DOK5: variants seen among roughly 807,000 people sequenced by gnomAD.
DOK5 encodes docking protein 5.
DOK5 carries 27 observed loss-of-function variants against 43.3 expected under a neutral mutation model. That is an observed-to-expected ratio of 0.62 (90% CI 0.46 to 0.86). The LOEUF (loss-of-function observed/expected upper bound fraction) is 0.86, where lower values mean the gene tolerates loss of function less well. Among genes scored for constraint, DOK5 ranks in the 40% least tolerant of loss-of-function variants. The probability of loss-of-function intolerance (pLI) is 0.00; values close to 1 mark genes in which losing one functional copy is unlikely to be tolerated. For synonymous variants in DOK5, 146 were observed against 140.1 expected (o/e 1.04, Z -0.30); for missense variants, 373 against 392.9 (o/e 0.95, Z 0.43).
At chr20:54,576,588 C>A (rs1040177518) in intron 2 of DOK5, among the ~76,000 whole-genome samples, 3 of 152,172 alleles carry the variant, frequency 2.0e-5, no homozygotes, top group African/African-American at 7.2e-5. Context: ...AGTTGTGTAA[C>A]GAGTGAAGAT....
At chr20:54,627,406 C>A (rs1260043504) in intron 6 of DOK5, among the ~76,000 whole-genome samples, 1 of 152,168 alleles carries the variant, frequency 6.6e-6, no homozygotes, top group Non-Finnish European at 1.5e-5. Flanking sequence ...GAGTATCTTG[C>A]ATTTTATTGG....
At chr20:54,517,360 T>G (rs1983231799) in intron 1 of DOK5, among the ~76,000 whole-genome samples, 1 of 152,166 alleles carries the variant, frequency 6.6e-6, no homozygotes, top group Non-Finnish European at 1.5e-5. Flanking sequence ...AACTAAAGCA[T>G]CATGATGTAG....
At chr20:54,649,382 A>G (rs1979592022) in intron 7 of DOK5, among the ~76,000 whole-genome samples, 1 of 152,184 alleles carries the variant, frequency 6.6e-6, no homozygotes, top group Non-Finnish European at 1.5e-5. Context: ...AGATCACGCC[A>G]CTGCACTGCA....
chr20:54,595,297 GC>G (rs1238806801), intron 5 of DOK5, among the ~76,000 whole-genome samples: 3 of 152,028 alleles, frequency 2.0e-5, no homozygotes, highest in Non-Finnish European at 1.5e-5. Context: ...CTGAGATCCT[GC>G]CACTGCACTC....
At chr20:54,498,816 A>G (rs1383016182) in intron 1 of DOK5, among the ~76,000 whole-genome samples, 1 of 152,222 alleles carries the variant, frequency 6.6e-6, no homozygotes, top group East Asian at 1.9e-4. Context: ...TTAGCCAAAA[A>G]AGACTTTTTT....
intron 5 of DOK5, among the ~76,000 whole-genome samples, chr20:54,597,674 G>A (rs949758423): frequency 6.6e-6 from 1 of 152,160 alleles, no homozygotes; most frequent in Admixed American, 6.5e-5. Context: ...TTTTAAGAAG[G>A]CTCACCTTCT....
intron 1 of DOK5, among the ~76,000 whole-genome samples, chr20:54,544,877 G>A (rs946020511): frequency 1.3e-5 from 2 of 152,172 alleles, no homozygotes; most frequent in African/African-American, 2.4e-5. Flanking sequence ...CAGTACTGGT[G>A]TTATCTGCAG....
At chr20:54,567,470 T>G (rs963835158) in intron 2 of DOK5, among the ~76,000 whole-genome samples, 5 of 152,338 alleles carry the variant, frequency 3.3e-5, no homozygotes, top group East Asian at 1.9e-4. Flanking sequence ...TTTTTTTACC[T>G]TTGTCAAAAA....
intron 4 of DOK5, 95 bp from the exon 5 acceptor site, chr20:54,591,521 G>T: frequency 2.1e-6 from 2 of 960,468 alleles, no homozygotes; most frequent in Non-Finnish European, 3.0e-6. Flanking sequence ...TCTAGAATGT[G>T]AACTTGAATT....
At chr20:54,616,799 T>TC (rs1253981780) in intron 6 of DOK5, among the ~76,000 whole-genome samples, 1 of 146,322 alleles carries the variant, frequency 6.8e-6, no homozygotes, top group Non-Finnish European at 1.5e-5. Context: ...TTTTTTTTTT[T>TC]TGTGTAGAGA....
chr20:54,532,383 G>A (rs918432163), intron 1 of DOK5, among the ~76,000 whole-genome samples: 1 of 152,164 alleles, frequency 6.6e-6, no homozygotes, highest in Non-Finnish European at 1.5e-5. Flanking sequence ...TAGAGAAGAA[G>A]GCATTAGGAG....
At chr20:54,643,317 C>G in intron 6 of DOK5, 141 bp from the exon 7 acceptor site, 1 of 1,167,390 alleles carries the variant, frequency 8.6e-7, no homozygotes, top group South Asian at 1.5e-5. Flanking sequence ...GCCACCATGC[C>G]CACCACCTTC....
At chr20:54,645,715 T>C (rs1233526040) in intron 7 of DOK5, among the ~76,000 whole-genome samples, 1 of 152,000 alleles carries the variant, frequency 6.6e-6, no homozygotes. Flanking sequence ...CATGGTCAGC[T>C]CTCCCAGGAA....
At chr20:54,503,475 G>A (rs1191667400) in intron 1 of DOK5, among the ~76,000 whole-genome samples, 1 of 151,230 alleles carries the variant, frequency 6.6e-6, no homozygotes, top group African/African-American at 2.5e-5. Flanking sequence ...TTAAAAAAAT[G>A]GAAAAGTAAT....
chr20:54,610,629 T>C, intron 6 of DOK5, 106 bp downstream of exon 6: 1 of 1,200,944 alleles, frequency 8.3e-7, no homozygotes, highest in East Asian at 3.0e-5. Context: ...AGCAGATGAC[T>C]GATTCCTCTT....
At chr20:54,520,980 G>A (rs1983372974) in intron 1 of DOK5, among the ~76,000 whole-genome samples, 1 of 151,736 alleles carries the variant, frequency 6.6e-6, no homozygotes, top group Admixed American at 6.6e-5. Flanking sequence ...AGACACACTT[G>A]CCCCAGGGTC....
intron 7 of DOK5, among the ~76,000 whole-genome samples, chr20:54,649,021 T>A (rs1289154098): frequency 6.6e-5 from 10 of 152,230 alleles, no homozygotes; most frequent in Admixed American, 6.5e-4. Context: ...ACTAGGCACC[T>A]ATATCATAGA....
At chr20:54,643,841 C>T (rs993868844) in intron 7 of DOK5, among the ~76,000 whole-genome samples, 1 of 152,200 alleles carries the variant, frequency 6.6e-6, no homozygotes, top group Admixed American at 6.5e-5. Context: ...TCCCCAGAGA[C>T]TCTAGATCTT....
In DOK5 at chr20:54,475,727, C is replaced by A. The variant is rs1479127309; in HGVS notation, c.-220C>A. The A allele has an allele frequency of 4.9e-6, 3 of 613,406 alleles. No individual in the cohort carries two copies. Among genetic ancestry groups the A allele is most frequent in the Non-Finnish European group, 8.3e-6 (3 of 359,288 alleles). The allele number at this position is 613,406 out of a possible 1,614,324, so 38.0% of individuals were successfully genotyped here. A position where few individuals can be genotyped will look rare whatever the true frequency, so the allele number is the denominator to read the frequency against. The stretch of plus-strand genomic sequence containing the variant: ...CCTCGCCTCCCCGCGCCGCGCTCTG[C>A]GCTCCCCGAAAGTGGCTGCAAGCCG... On this transcript the variant is annotated 5_prime_UTR_variant, in exon 1 of 8. Transcript: ENST00000262593. This position sits in a 1 kb window ranked among gnomAD's most constrained non-coding sequence, Gnocchi z 4.2.
Sources: gnomAD v4.1 joint callset for allele counts (sites outside exome capture counted in the v4.1 genomes callset) on GRCh38, gnomAD v4.1.1 for gene constraint, Gnocchi (gnomAD v3.1) non-coding constraint, MANE v1.5 for transcripts, NCBI Gene and HGNC (gene_info 2026-07-23, HGNC 2026-07-21) for gene names.